HHAT: variants seen among roughly 807,000 people sequenced by gnomAD.
The protein encoded by HHAT is hedgehog acyltransferase.
In HHAT, 47 loss-of-function variants were observed where a neutral mutation model predicts 70.8. The ratio of observed to expected loss-of-function variants is 0.66; its 90% confidence interval spans 0.53 to 0.85. The LOEUF (loss-of-function observed/expected upper bound fraction) is 0.85, where lower values mean the gene tolerates loss of function less well. Among genes scored for constraint, HHAT ranks in the 40% least tolerant of loss-of-function variants. HHAT has a pLI of 0.00. For synonymous variants in HHAT, 228 were observed against 247.6 expected (o/e 0.92, Z 0.74); for missense variants, 609 against 604.8 (o/e 1.01, Z -0.07).
intron 7 of HHAT, among the ~76,000 whole-genome samples, chr1:210,443,040 T>G (rs2093557730): frequency 6.6e-6 from 1 of 152,220 alleles, no homozygotes. Flanking sequence ...AAGGAAGGGA[T>G]CCAGTTTCAG....
chr1:210,469,327 C>T (rs900511747), intron 8 of HHAT, among the ~76,000 whole-genome samples: 4 of 152,102 alleles, frequency 2.6e-5, no homozygotes, highest in Non-Finnish European at 4.4e-5. Flanking sequence ...AAACTAGGAA[C>T]ACCATCTTGT....
At chr1:210,343,424 G>A (rs192244218) in intron 1 of HHAT, among the ~76,000 whole-genome samples, 6 of 152,292 alleles carry the variant, frequency 3.9e-5, no homozygotes, top group African/African-American at 1.4e-4. Flanking sequence ...AGTAACAGTA[G>A]TGACTGTCGT....
chr1:210,478,116 G>A (rs2094333558), intron 8 of HHAT, among the ~76,000 whole-genome samples: 1 of 152,178 alleles, frequency 6.6e-6, no homozygotes. Context: ...ACTACAGAGT[G>A]GGATGTGGTA....
chr1:210,534,632 A>G (rs1249576284), intron 9 of HHAT, among the ~76,000 whole-genome samples: 6 of 152,208 alleles, frequency 3.9e-5, no homozygotes, highest in Admixed American at 2.0e-4. Flanking sequence ...TATACCTTAT[A>G]TACATAGCCT....
chr1:210,591,172 A>G (rs1661610027), intron 10 of HHAT, among the ~76,000 whole-genome samples: 1 of 152,072 alleles, frequency 6.6e-6, no homozygotes, highest in Admixed American at 6.6e-5. Context: ...CTATATAGCT[A>G]TATTTTTGTG....
intron 10 of HHAT, among the ~76,000 whole-genome samples, chr1:210,619,146 G>A (rs1044413044): frequency 6.6e-6 from 1 of 152,134 alleles, no homozygotes; most frequent in East Asian, 1.9e-4. Context: ...CCTTGCACCT[G>A]AAGAGTGGGT....
chr1:210,576,044 G>A (rs898418344), intron 9 of HHAT, among the ~76,000 whole-genome samples: 1 of 152,158 alleles, frequency 6.6e-6, no homozygotes, highest in Non-Finnish European at 1.5e-5. Flanking sequence ...GGTGTGTGGA[G>A]AACAGCTGGC....
At chr1:210,394,718 A>G (rs1243156240) in intron 4 of HHAT, among the ~76,000 whole-genome samples, 1 of 152,144 alleles carries the variant, frequency 6.6e-6, no homozygotes, top group African/African-American at 2.4e-5. Flanking sequence ...AGCCTGACCC[A>G]TGGTGCTGAG....
chr1:210,463,134 T>A (rs918742067), intron 7 of HHAT: 1 of 129,658 alleles, frequency 7.7e-6, no homozygotes, highest in African/African-American at 3.2e-5. Flanking sequence ...TTCATGTGAG[T>A]TTTCCTTTTT....
At chr1:210,433,898 G>A (rs907889795) in intron 7 of HHAT, among the ~76,000 whole-genome samples, 3 of 151,944 alleles carry the variant, frequency 2.0e-5, no homozygotes, top group Non-Finnish European at 1.5e-5. Context: ...TGTGGATGTT[G>A]TCCACACCAG....
chr1:210,420,014 G>A (rs2092847789), intron 7 of HHAT, among the ~76,000 whole-genome samples: 1 of 152,180 alleles, frequency 6.6e-6, no homozygotes, highest in Non-Finnish European at 1.5e-5. Flanking sequence ...ATGTGACTCT[G>A]ATGTCACCAA....
upstream of HHAT, chr1:210,328,360 T>TAGTGATCTCTGCA (rs1483563374): frequency 2.0e-5 from 3 of 152,360 alleles, no homozygotes; most frequent in East Asian, 5.8e-4. Flanking sequence ...AAAATCTTCG[T>TAGTGATCTCTGCA]ACCCATTTTG....
chr1:210,613,599 G>T (rs1393236738), intron 10 of HHAT, among the ~76,000 whole-genome samples: 1 of 152,054 alleles, frequency 6.6e-6, no homozygotes, highest in Non-Finnish European at 1.5e-5. Context: ...GGCCAGTTGG[G>T]GCCATTTGAG....
At chr1:210,364,080 T>G (rs1194548888) in intron 3 of HHAT, among the ~76,000 whole-genome samples, 2 of 152,246 alleles carry the variant, frequency 1.3e-5, no homozygotes, top group Non-Finnish European at 2.9e-5. Context: ...ACAAGGCCCA[T>G]GTTTTTCTGT....
At chr1:210,582,235 G>A (rs1659420014) in intron 9 of HHAT, among the ~76,000 whole-genome samples, 1 of 152,150 alleles carries the variant, frequency 6.6e-6, no homozygotes, top group Admixed American at 6.5e-5. Context: ...TTTTATTCAG[G>A]ATTTTAGGAT....
At chr1:210,409,856 T>A (rs764906920) in intron 6 of HHAT, among the ~76,000 whole-genome samples, 1 of 152,180 alleles carries the variant, frequency 6.6e-6, no homozygotes, top group Non-Finnish European at 1.5e-5. Flanking sequence ...GATGAGTTAA[T>A]GTGTATTTTT....
chr1:210,332,034 G>C (rs929042473), intron 1 of HHAT, among the ~76,000 whole-genome samples: 1 of 152,208 alleles, frequency 6.6e-6, no homozygotes, highest in Non-Finnish European at 1.5e-5. Flanking sequence ...ACAGATGTGA[G>C]TTAAGGGCAT....
intron 11 of HHAT, among the ~76,000 whole-genome samples, chr1:210,645,995 G>A (rs1342444086): frequency 6.6e-6 from 1 of 152,110 alleles, no homozygotes; most frequent in Non-Finnish European, 1.5e-5. Flanking sequence ...CTGCAACTGG[G>A]ACCTGCCCTC....
intron 11 of HHAT, among the ~76,000 whole-genome samples, chr1:210,661,344 CAAT>C (rs1677669505): frequency 1.3e-5 from 2 of 152,220 alleles, no homozygotes. Flanking sequence ...ATCAAAACCA[CAAT>C]GAGATACCAT....
Sources: allele counts gnomAD v4.1 joint callset (sites outside exome capture counted in the v4.1 genomes callset), GRCh38; gene constraint gnomAD v4.1.1; transcripts MANE v1.5; gene names NCBI Gene and HGNC (gene_info 2026-07-23, HGNC 2026-07-21).